The following GSE1 variants were observed in gnomAD, a reference collection of about 807,000 sequenced individuals.
The protein encoded by GSE1 is Gse1 coiled-coil protein, also known as genetic suppressor element 1.
A neutral mutation model predicts 112.6 loss-of-function variants in GSE1; 32 were observed. The observed-to-expected ratio is 0.28, with a 90% CI of 0.21 to 0.38. The LOEUF (loss-of-function observed/expected upper bound fraction) is 0.38. GSE1 is among the 10% of genes least tolerant of loss of function. GSE1 has a pLI of 1.00. For synonymous variants in GSE1, 1,115 were observed against 735.6 expected (o/e 1.52, Z -8.35); for missense variants, 2,348 against 1,699.2 (o/e 1.38, Z -6.71).
chr16:85,555,763 C>G (rs2045175437), upstream of GSE1: 3 of 976,502 alleles, frequency 3.1e-6, no homozygotes, highest in Non-Finnish European at 3.6e-6. Context: ...ATTCAAATGG[C>G]TGAATGGAGG....
intron 2 of GSE1, among the ~76,000 whole-genome samples, chr16:85,517,092 C>T (rs914939426): frequency 2.6e-5 from 4 of 152,332 alleles, no homozygotes; most frequent in East Asian, 1.9e-4. Flanking sequence ...CCACCGCGCC[C>T]GGCCATGTCT....
At chr16:85,369,119 A>T (rs1444229836) in intron 2 of GSE1, among the ~76,000 whole-genome samples, 1 of 152,236 alleles carries the variant, frequency 6.6e-6, no homozygotes, top group East Asian at 1.9e-4. Flanking sequence ...AGGTGTGGGC[A>T]GGACTGGCTC....
intron 8 of GSE1, among the ~76,000 whole-genome samples, chr16:85,660,313 CCT>C (rs2052325667): frequency 6.6e-6 from 1 of 152,208 alleles, no homozygotes; most frequent in African/African-American, 2.4e-5. Context: ...GCCTCCCTAT[CCT>C]CTTGGAGCAG....
At chr16:85,347,798 C>G in intron 1 of GSE1, among the ~76,000 whole-genome samples, 1 of 152,320 alleles carries the variant, frequency 6.6e-6, no homozygotes, top group East Asian at 1.9e-4. Flanking sequence ...ATCTTTGCCA[C>G]AAGCTTCCGC....
intron 1 of GSE1, among the ~76,000 whole-genome samples, chr16:85,633,192 A>C (rs1022026333): frequency 2.0e-5 from 3 of 152,310 alleles, no homozygotes; most frequent in African/African-American, 7.2e-5. Context: ...AAGGGGCCAC[A>C]GTGGGGTCTG....
At chr16:85,195,190 T>TA (rs2074903274) in intron 1 of GSE1, among the ~76,000 whole-genome samples, 1 of 152,132 alleles carries the variant, frequency 6.6e-6, no homozygotes, top group Non-Finnish European at 1.5e-5. Flanking sequence ...ATGTAAGATT[T>TA]AAAAAACCCA....
chr16:85,519,607 TCATCACCATCAC>T (rs1351581959), intron 2 of GSE1, among the ~76,000 whole-genome samples: 16 of 144,074 alleles, frequency 1.1e-4, no homozygotes, highest in African/African-American at 3.0e-4. Flanking sequence ...TTCACCACCA[TCATCACCATCAC>T]CACCACCATC....
chr16:85,668,128 T>TC lies in GSE1; in HGVS notation c.3131-8dup. 6.4e-7 allele frequency: 1 copy of TC among 1,554,412 alleles called. No individual in the cohort carries two copies. The highest frequency in any genetic ancestry group is 2.3e-5 in the East Asian group (1 of 44,268). Reference sequence around the variant, plus strand: ...CCCCAACACACTGATGCAAGCCCTGTCCCCTCCACAGGGAGCGTGGCTGTG... The same window carrying TC: ...CCCCAACACACTGATGCAAGCCCTGTCCCCCTCCACAGGGAGCGTGGCTGTG... On this transcript the variant is annotated splice_polypyrimidine_tract_variant and intron_variant, in intron 13 of 15. Transcript: ENST00000253458.
At chr16:85,177,964 A>C (rs919580202) in intron 1 of GSE1, among the ~76,000 whole-genome samples, 1 of 152,004 alleles carries the variant, frequency 6.6e-6, no homozygotes, top group Non-Finnish European at 1.5e-5. Flanking sequence ...TATTCTACCC[A>C]CTAACTGAAC....
chr16:85,476,624 T>A (rs534352872), intron 2 of GSE1, among the ~76,000 whole-genome samples: 4 of 140,672 alleles, frequency 2.8e-5, no homozygotes, highest in African/African-American at 1.0e-4. Flanking sequence ...ACTGTGATGA[T>A]GTAATTCTTT....
At chr16:85,508,440 TG>T (rs2051616013) in intron 2 of GSE1, among the ~76,000 whole-genome samples, 1 of 152,078 alleles carries the variant, frequency 6.6e-6, no homozygotes, top group African/African-American at 2.4e-5. Context: ...AGAGGTGAGT[TG>T]GGACAGGATG....
intron 1 of GSE1, among the ~76,000 whole-genome samples, chr16:85,583,071 A>C (rs1053913430): frequency 3.9e-5 from 6 of 152,094 alleles, no homozygotes; most frequent in Non-Finnish European, 8.8e-5. Flanking sequence ...GTACACCCCC[A>C]GCTCTCCAGA....
chr16:85,504,630 T>C (rs899575100), intron 2 of GSE1, among the ~76,000 whole-genome samples: 10 of 152,184 alleles, frequency 6.6e-5, no homozygotes, highest in Non-Finnish European at 1.3e-4. Flanking sequence ...AAGAAAACAA[T>C]TTTTAAACAC....
chr16:85,577,309 C>G (rs7188764), intron 1 of GSE1, among the ~76,000 whole-genome samples: 3 of 152,194 alleles, frequency 2.0e-5, no homozygotes, highest in Non-Finnish European at 4.4e-5. Flanking sequence ...AGGGAGGACG[C>G]GGTCCTCTCA....
chr16:85,227,341 C>A (rs1482667016), intron 1 of GSE1, among the ~76,000 whole-genome samples: 5 of 152,240 alleles, frequency 3.3e-5, no homozygotes, highest in Non-Finnish European at 7.3e-5. Context: ...CTACTGCACG[C>A]AGGCCTCTTC....
chr16:85,600,587 AACACACACAC>A (rs771929185), intron 1 of GSE1, among the ~76,000 whole-genome samples: 2 of 146,470 alleles, frequency 1.4e-5, no homozygotes, highest in South Asian at 4.4e-4. Context: ...ACACACCCCA[AACACACACAC>A]ACACACACAC....
At chr16:85,178,049 C>T (rs996808753) in intron 1 of GSE1, among the ~76,000 whole-genome samples, 1 of 152,186 alleles carries the variant, frequency 6.6e-6, no homozygotes, top group South Asian at 2.1e-4. Context: ...ATCAGGCATC[C>T]CCTGACCTCA....
At chr16:85,587,683 C>T (rs1282673206) in intron 1 of GSE1, among the ~76,000 whole-genome samples, 2 of 152,158 alleles carry the variant, frequency 1.3e-5, no homozygotes, top group Non-Finnish European at 2.9e-5. Context: ...GTTCTGCCAC[C>T]GAGAACCCTC....
intron 2 of GSE1, among the ~76,000 whole-genome samples, chr16:85,445,102 C>G (rs561249247): frequency 6.6e-6 from 1 of 152,360 alleles, no homozygotes; most frequent in Admixed American, 6.5e-5. Context: ...TATCTTCCAG[C>G]CTGAATCGCT....
Sources: allele counts gnomAD v4.1 joint callset (sites outside exome capture counted in the v4.1 genomes callset), GRCh38; gene constraint gnomAD v4.1.1; transcripts MANE v1.5; gene names NCBI Gene and HGNC (gene_info 2026-07-23, HGNC 2026-07-21).